Variants in PLCB1 observed in about 807,000 individuals in gnomAD.
The protein encoded by PLCB1 is 1-phosphatidylinositol 4,5-bisphosphate phosphodiesterase beta-1.
PLCB1 carries 46 observed loss-of-function variants against 161.8 expected under a neutral mutation model. That is an observed-to-expected ratio of 0.28 (90% confidence interval 0.22 to 0.36). PLCB1 has a LOEUF of 0.36. Ranked by LOEUF, PLCB1 falls within the 10% of genes least tolerant of loss-of-function variation. The pLI is 1.00. For missense variants in PLCB1, 1,016 were observed against 1,472.5 expected (o/e 0.69, Z 5.07); for synonymous variants, 517 against 503.7 (o/e 1.03, Z -0.35).
chr20:8,867,364 G>T (rs1987463672), intron 31 of PLCB1, among the ~76,000 whole-genome samples: 1 of 152,244 alleles, frequency 6.6e-6, no homozygotes, highest in Non-Finnish European at 1.5e-5. Context: ...TGAGATGGTT[G>T]CTTGCACCGT....
chr20:8,500,449 C>G (rs1005870072), intron 3 of PLCB1, among the ~76,000 whole-genome samples: 3 of 152,230 alleles, frequency 2.0e-5, no homozygotes, highest in African/African-American at 7.2e-5. Context: ...AACATAGAGC[C>G]TACTGTAATC....
At position 8,740,809 on chromosome 20, in the gene PLCB1, G is replaced by T. The variant is rs149675466; in HGVS notation, c.2413+361G>T. ...ATTTTAGAATGCTGATTCTTTTCAT[G>T]GGTGACATCCTAAATTTAAGGAATT... On this transcript the variant is annotated intron_variant, in intron 22 of 31. Transcript: ENST00000338037. Among the ~76,000 whole-genome samples, 1,145 of 152,136 alleles carry T rather than the reference G, an allele frequency of 7.5e-3. 11 individuals carry two copies. Among genetic ancestry groups the T allele is most frequent in the African/African-American group, 0.026 (1,090 of 41,496 alleles).
intron 9 of PLCB1, among the ~76,000 whole-genome samples, chr20:8,672,094 A>G (rs760972085): frequency 3.3e-5 from 5 of 152,222 alleles, no homozygotes; most frequent in Admixed American, 6.5e-5. Context: ...GTTTAATGGC[A>G]TGAAACACAA....
intron 2 of PLCB1, among the ~76,000 whole-genome samples, chr20:8,292,215 G>A (rs552356748): frequency 7.9e-5 from 12 of 152,196 alleles, no homozygotes; most frequent in Admixed American, 5.9e-4. Context: ...CTCTAGGGTC[G>A]AATGGGGATT....
chr20:8,351,453 C>G (rs1201722359), intron 2 of PLCB1, among the ~76,000 whole-genome samples: 2 of 151,782 alleles, frequency 1.3e-5, no homozygotes, highest in African/African-American at 4.8e-5. Context: ...GATACAACAC[C>G]AAAAGCATAA....
intron 2 of PLCB1, among the ~76,000 whole-genome samples, chr20:8,328,453 A>G (rs1320658516): frequency 1.3e-5 from 2 of 152,002 alleles, no homozygotes; most frequent in Admixed American, 6.6e-5. Context: ...AGCATATGAC[A>G]TATGACTAGT....
intron 10 of PLCB1, among the ~76,000 whole-genome samples, chr20:8,693,503 T>C (rs1437739090): frequency 6.6e-6 from 1 of 152,216 alleles, no homozygotes; most frequent in African/African-American, 2.4e-5. Flanking sequence ...TGAGATTATA[T>C]GCCCTGAATG....
At chr20:8,210,199 T>C (rs1188081093) in intron 2 of PLCB1, among the ~76,000 whole-genome samples, 1 of 152,170 alleles carries the variant, frequency 6.6e-6, no homozygotes, top group Non-Finnish European at 1.5e-5. Context: ...GGGTGAAAAT[T>C]ATTATTACTA....
chr20:8,664,013 A>G (rs1989750070), intron 9 of PLCB1, among the ~76,000 whole-genome samples: 1 of 152,164 alleles, frequency 6.6e-6, no homozygotes, highest in Admixed American at 6.6e-5. Flanking sequence ...ACTTCAACTG[A>G]TATATCTATA....
At chr20:8,391,765 AT>A (rs1192671218) in intron 3 of PLCB1, among the ~76,000 whole-genome samples, 11 of 32,308 alleles carry the variant, frequency 3.4e-4, no homozygotes, top group African/African-American at 1.6e-3. Flanking sequence ...ATAATGAAGT[AT>A]ATATATATAT....
chr20:8,564,954 A>C (rs1192491861), intron 3 of PLCB1, among the ~76,000 whole-genome samples: 1 of 152,198 alleles, frequency 6.6e-6, no homozygotes, highest in African/African-American at 2.4e-5. Context: ...CTAGAACCAG[A>C]AATACCATTT....
chr20:8,600,359 G>A (rs1431924469), intron 3 of PLCB1, among the ~76,000 whole-genome samples: 4 of 105,684 alleles, frequency 3.8e-5, no homozygotes, highest in Admixed American at 1.7e-4. Context: ...ATACCCTGCC[G>A]TGTGAGGTGT....
intron 3 of PLCB1, among the ~76,000 whole-genome samples, chr20:8,477,386 A>AC (rs748189827): frequency 1.9e-4 from 29 of 152,142 alleles, no homozygotes; most frequent in Non-Finnish European, 3.4e-4. Context: ...AGACATAAGA[A>AC]CCCATCCAAT....
chr20:8,809,766 G>T (rs1403392776), intron 31 of PLCB1, among the ~76,000 whole-genome samples: 1 of 151,836 alleles, frequency 6.6e-6, no homozygotes, highest in Admixed American at 6.6e-5. Flanking sequence ...TCCTCCATTA[G>T]ACAGAGCCTG....
intron 3 of PLCB1, among the ~76,000 whole-genome samples, chr20:8,441,571 T>A (rs1980560634): frequency 6.6e-6 from 1 of 152,110 alleles, no homozygotes; most frequent in South Asian, 2.1e-4. Context: ...TGACTGAAAG[T>A]TTATCTAAAT....
intron 31 of PLCB1, among the ~76,000 whole-genome samples, chr20:8,815,538 C>A (rs1271006740): frequency 6.6e-6 from 1 of 152,088 alleles, no homozygotes; most frequent in Non-Finnish European, 1.5e-5. Flanking sequence ...GTGGTGTTGA[C>A]ACAATTGGAG....
intron 27 of PLCB1, among the ~76,000 whole-genome samples, chr20:8,776,459 G>T (rs1205122585): frequency 3.3e-5 from 5 of 152,112 alleles, no homozygotes; most frequent in African/African-American, 1.2e-4. Flanking sequence ...CACACAGAGA[G>T]CACACAGCAA....
intron 2 of PLCB1, among the ~76,000 whole-genome samples, chr20:8,252,496 T>C (rs949230565): frequency 1.3e-5 from 2 of 151,984 alleles, no homozygotes; most frequent in Non-Finnish European, 2.9e-5. Context: ...GTCATATAAA[T>C]TGGTAATGCC....
intron 31 of PLCB1, among the ~76,000 whole-genome samples, chr20:8,843,606 A>G (rs1986586239): frequency 6.6e-6 from 1 of 152,030 alleles, no homozygotes. Context: ...TGTTCATCAT[A>G]AATGAATGTA....
Sources: allele counts gnomAD v4.1 joint callset (sites outside exome capture counted in the v4.1 genomes callset), GRCh38; gene constraint gnomAD v4.1.1; transcripts MANE v1.5; gene names NCBI Gene and HGNC (gene_info 2026-07-23, HGNC 2026-07-21).